RYR3: variants seen among roughly 807,000 people sequenced by gnomAD.
RYR3 encodes brain ryanodine receptor-calcium release channel.
A neutral mutation model predicts 584.3 loss-of-function variants in RYR3; 207 were observed. The observed-to-expected ratio is 0.35, with a 90% CI of 0.32 to 0.40. The LOEUF (loss-of-function observed/expected upper bound fraction) is 0.40, where lower values mean the gene tolerates loss of function less well. Ranked by LOEUF, RYR3 falls within the 10% of genes least tolerant of loss-of-function variation. RYR3 has a pLI of 1.00. For synonymous variants in RYR3, 2,416 were observed against 2,248.5 expected (o/e 1.07, Z -2.11); for missense variants, 5,616 against 6,089.2 (o/e 0.92, Z 2.59).
Position 33,837,882 on chromosome 15 carries a change from G to C in RYR3, c.11902G>C (p.Ala3968Pro), listed in dbSNP as rs577747200. Residue 3968 changes from alanine (A) to proline (P), a missense_variant, in exon 89 of 104, where the codon GCT (alanine) becomes CCT (proline). Ala to Pro is a conservative substitution (Grantham distance 27). This residue lies in a region of RYR3 where 258 missense variants were observed against 297.3 expected (regional missense o/e 0.87). Coordinates refer to ENST00000634891, the MANE Select transcript of RYR3 (RefSeq NM_001036.6). ...TGACTTTCTCCTGTCGTGTGCAGAA[G>C]CTGATGAGAATGACATGTTTAATTA... ...EIDFLLSCAEADENDMFNYVD... is the reference protein window; with the variant it reads ...EIDFLLSCAEPDENDMFNYVD... The C allele has an allele frequency of 7.0e-5, 113 of 1,614,018 alleles. 1 individual carries two copies. The South Asian group carries it at 1.2e-3, about 17-fold the overall frequency.
chr15:33,474,599 G>A (rs1393789773), intron 2 of RYR3, among the ~76,000 whole-genome samples: 3 of 152,240 alleles, frequency 2.0e-5, no homozygotes, highest in Non-Finnish European at 4.4e-5. Flanking sequence ...CTATGGTGTC[G>A]TTTGGCTGAA....
At chr15:33,612,853 T>C (rs1262180658) in intron 18 of RYR3, among the ~76,000 whole-genome samples, 1 of 152,214 alleles carries the variant, frequency 6.6e-6, no homozygotes, top group Non-Finnish European at 1.5e-5. Flanking sequence ...GTCTGTCTGT[T>C]ACTTCAGACA....
chr15:33,409,451 T>C (rs940550700), intron 1 of RYR3, among the ~76,000 whole-genome samples: 1 of 152,044 alleles, frequency 6.6e-6, no homozygotes, highest in Non-Finnish European at 1.5e-5. Context: ...CCGTGAACTC[T>C]GGCTGTCTTG....
intron 94 of RYR3, chr15:33,849,576 T>TTA (rs993874307): frequency 1.8e-4 from 27 of 152,206 alleles, no homozygotes; most frequent in African/African-American, 6.5e-4. Flanking sequence ...CACACTCTAA[T>TTA]GACAGTTGAT....
At chr15:33,591,454 T>A (rs776714984) in intron 16 of RYR3, among the ~76,000 whole-genome samples, 126 of 152,326 alleles carry the variant, frequency 8.3e-4, no homozygotes, top group Admixed American at 1.5e-3. Context: ...GTTGAAGGTT[T>A]AATAAATGAA....
chr15:33,725,993 A>AATAC lies in RYR3; in HGVS notation c.6913-392_6913-391insTACA, dbSNP rs1555427714. 8.9e-5 allele frequency among the ~76,000 whole-genome samples: 7 copies of AATAC among 79,034 alleles called. 1 individual carries two copies. Among genetic ancestry groups the AATAC allele is most frequent in the African/African-American group, 2.9e-4 (7 of 24,392 alleles). The allele number at this position is 79,034 out of a possible 152,430, so 51.8% of individuals were successfully genotyped here. Reference sequence around the variant, plus strand: ...CCCCCCCCCAAAAAAAAAAAAAAAAAAAAACAGAATTCTAGAGTCTGGCAT... The same window carrying AATAC: ...CCCCCCCCCAAAAAAAAAAAAAAAAAATACAAAACAGAATTCTAGAGTCTGGCAT... On this transcript the variant is annotated intron_variant, in intron 45 of 103. Coordinates refer to ENST00000634891, the MANE Select transcript of RYR3 (RefSeq NM_001036.6).
At chr15:33,539,820 A>G (rs2055659395) in intron 6 of RYR3, among the ~76,000 whole-genome samples, 1 of 152,162 alleles carries the variant, frequency 6.6e-6, no homozygotes, top group Non-Finnish European at 1.5e-5. Context: ...AATCATAAGG[A>G]AGAGAAAGTA....
intron 86 of RYR3, among the ~76,000 whole-genome samples, chr15:33,832,449 G>A (rs1210624975): frequency 1.3e-5 from 2 of 152,158 alleles, no homozygotes; most frequent in African/African-American, 4.8e-5. Context: ...GAGGTCAGGA[G>A]TTCAAGACTA....
intron 24 of RYR3, among the ~76,000 whole-genome samples, 186 bp from the exon 25 acceptor site, chr15:33,634,400 T>TA (rs1056996605): frequency 1.3e-5 from 2 of 152,178 alleles, no homozygotes; most frequent in African/African-American, 4.8e-5. Context: ...TGTTTCCATT[T>TA]ATACTCATTT....
chr15:33,826,911 T>A (rs569482479), intron 84 of RYR3, among the ~76,000 whole-genome samples, 159 bp downstream of exon 84: 3 of 152,158 alleles, frequency 2.0e-5, no homozygotes, highest in Non-Finnish European at 4.4e-5. Flanking sequence ...GCTAGTGATA[T>A]TTAGTGCCAC....
In RYR3 at chr15:33,631,207, C is replaced by T; in HGVS notation, c.2784-3C>T. Reference sequence around the variant, plus strand: ...TTAGTCTTCTCCTTCTGTTGTGTCACAGAACCCTCTTGGCCCTGGGGTGCC... The same window carrying T: ...TTAGTCTTCTCCTTCTGTTGTGTCATAGAACCCTCTTGGCCCTGGGGTGCC... On this transcript the variant is annotated splice_region_variant and splice_polypyrimidine_tract_variant and intron_variant, in intron 22 of 103. Transcript: ENST00000634891. 2 of 1,570,572 alleles carry T rather than the reference C, an allele frequency of 1.3e-6. No homozygotes were observed. The highest frequency in any genetic ancestry group is 2.3e-5 in the East Asian group (1 of 43,416).
At chr15:33,728,145 A>G (rs186170465) in intron 46 of RYR3, among the ~76,000 whole-genome samples, 44 of 152,354 alleles carry the variant, frequency 2.9e-4, no homozygotes, top group Non-Finnish European at 4.4e-4. Context: ...TTTCAAATCA[A>G]CAAAGCAATA....
At chr15:33,423,084 C>T (rs1202154791) in intron 1 of RYR3, among the ~76,000 whole-genome samples, 1 of 152,100 alleles carries the variant, frequency 6.6e-6, no homozygotes, top group African/African-American at 2.4e-5. Flanking sequence ...CAATGTTTTA[C>T]AACCATCACC....
In RYR3 at chr15:33,649,171, G is replaced by A. The variant is rs1016618839; in HGVS notation, c.4078G>A (p.Asp1360Asn). 1.9e-6 allele frequency: 3 copies of A among 1,613,710 alleles called. No individual in the cohort carries two copies. The highest frequency in any genetic ancestry group is 1.7e-5 in the Admixed American group (1 of 60,006). Residue 1360 changes from aspartate (D) to asparagine (N), a missense_variant, in exon 31 of 104, where the codon GAC becomes AAC. By Grantham distance (23) the Asp-to-Asn change is conservative. Coordinates refer to ENST00000634891, the MANE Select transcript of RYR3 (RefSeq NM_001036.6). ...PDYHLYSEKFDLNKNCTVTVT... is the reference protein window; with the variant it reads ...PDYHLYSEKFNLNKNCTVTVT... ...CTATCACTTGTACAGTGAAAAGTTT[G>A]ACCTGAATAAAAACTGCACAGTGAC... is the stretch of plus-strand genomic sequence containing the variant.
At position 33,530,760 on chromosome 15, in the gene RYR3, A is replaced by G; in HGVS notation, c.354+94A>G. ...AAGCCAGCAATAACAACGTAACAGC[A>G]GGAACAATTGGAACATAACTAATTT... is the stretch of plus-strand genomic sequence containing the variant. On this transcript the variant is annotated intron_variant, in intron 4 of 103. Transcript: ENST00000634891. The G allele has an allele frequency of 8.9e-6, 8 of 894,690 alleles. No individual in the cohort carries two copies. The Admixed American group carries it at 1.2e-4, about 13-fold the overall frequency. 55.4% of individuals were successfully genotyped at this position (894,690 alleles called of 1,614,324 possible). A position where few individuals can be genotyped will look rare whatever the true frequency, so the allele number is the denominator to read the frequency against.
At chr15:33,692,814 C>G (rs1331597606) in intron 38 of RYR3, among the ~76,000 whole-genome samples, 1 of 152,176 alleles carries the variant, frequency 6.6e-6, no homozygotes, top group East Asian at 1.9e-4. Flanking sequence ...TACATGCTCT[C>G]TAGGCCATAA....
At chr15:33,424,925 A>G (rs1030024878) in intron 1 of RYR3, among the ~76,000 whole-genome samples, 23 of 152,210 alleles carry the variant, frequency 1.5e-4, no homozygotes, top group African/African-American at 5.5e-4. Flanking sequence ...CCAGCCTGGC[A>G]ACATTTTGAA....
chr15:33,430,205 G>A (rs867541398), intron 1 of RYR3, among the ~76,000 whole-genome samples: 1 of 152,276 alleles, frequency 6.6e-6, no homozygotes, highest in African/African-American at 2.4e-5. Flanking sequence ...GAGCGAAAAT[G>A]AGGCATTTAT....
intron 38 of RYR3, among the ~76,000 whole-genome samples, chr15:33,678,022 A>T (rs1195310522): frequency 1.3e-5 from 2 of 152,194 alleles, no homozygotes; most frequent in African/African-American, 4.8e-5. Flanking sequence ...GAAACCATAA[A>T]GTGAGGCTTG....
Sources: allele counts gnomAD v4.1 joint callset (sites outside exome capture counted in the v4.1 genomes callset), GRCh38; gene constraint gnomAD v4.1.1; regional missense constraint gnomAD v4.1.1; transcripts MANE v1.5; gene names NCBI Gene and HGNC (gene_info 2026-07-23, HGNC 2026-07-21).